Variants in RPTOR observed in about 807,000 individuals in gnomAD.
The protein encoded by RPTOR is regulatory-associated protein of mTOR.
In RPTOR, 21 loss-of-function variants were observed where a neutral mutation model predicts 169.9. That is an observed-to-expected ratio of 0.12 (90% CI 0.09 to 0.18). The LOEUF (loss-of-function observed/expected upper bound fraction) is 0.18. RPTOR is among the 10% of genes least tolerant of loss of function. RPTOR has a pLI of 1.00. For synonymous variants in RPTOR, 732 were observed against 753.2 expected, an observed-to-expected ratio of 0.97 and a Z score of 0.46; for missense variants, 1,133 against 1,855.9, an observed-to-expected ratio of 0.61 and a Z score of 7.16.
Position 80,908,708 on chromosome 17 carries a change from A to C in RPTOR, c.2402-103A>C, listed in dbSNP as rs1185164914. 7.5e-6 allele frequency: 6 copies of C among 801,990 alleles called. No homozygotes were observed. In the African/African-American group the frequency reaches 1.0e-4, roughly 14 times the overall value. 49.7% of individuals were successfully genotyped at this position (801,990 alleles called of 1,614,324 possible). A position where few individuals can be genotyped will look rare whatever the true frequency, so the allele number is the denominator to read the frequency against. On this transcript the variant is annotated intron_variant, in intron 20 of 33. Coordinates refer to ENST00000306801, the MANE Select transcript of RPTOR (RefSeq NM_020761.3). ...TCCTGTAACCTCGGCTCTTTAAAGCAACACTTCTGATACCAGGGTTAGGGT... is the reference window on the plus strand; with the variant it reads ...TCCTGTAACCTCGGCTCTTTAAAGCCACACTTCTGATACCAGGGTTAGGGT...
chr17:80,689,860 A>G (rs2316061), intron 3 of RPTOR, among the ~76,000 whole-genome samples: 26,741 of 152,148 alleles, frequency 0.18, 3,756 homozygotes, highest in African/African-American at 0.39. Flanking sequence ...GATTTTTGGT[A>G]TGTGTACCTT....
intron 5 of RPTOR, among the ~76,000 whole-genome samples, chr17:80,749,543 G>A (rs1226254161): frequency 3.4e-5 from 5 of 145,950 alleles, no homozygotes; most frequent in Admixed American, 2.0e-4. Flanking sequence ...GAGGGGCTGC[G>A]GTGTGTGTTT....
intron 6 of RPTOR, among the ~76,000 whole-genome samples, chr17:80,755,992 G>A (rs1902186783): frequency 1.3e-5 from 2 of 152,230 alleles, no homozygotes; most frequent in Non-Finnish European, 2.9e-5. Flanking sequence ...TAAAACAAGT[G>A]TAATACATAC....
intron 6 of RPTOR, among the ~76,000 whole-genome samples, chr17:80,782,586 C>T (rs1014866977): frequency 2.0e-5 from 3 of 152,074 alleles, no homozygotes; most frequent in East Asian, 1.9e-4. Flanking sequence ...CCTTGGTTTC[C>T]GGGGATCTCA....
At chr17:80,737,517 G>T (rs1460355325) in intron 5 of RPTOR, among the ~76,000 whole-genome samples, 2 of 152,160 alleles carry the variant, frequency 1.3e-5, no homozygotes, top group Non-Finnish European at 2.9e-5. Context: ...TGTCCTGATG[G>T]CAGGTCTTCA....
chr17:80,641,235 T>G (rs536640805), intron 2 of RPTOR, among the ~76,000 whole-genome samples: 2 of 152,244 alleles, frequency 1.3e-5, no homozygotes, highest in African/African-American at 2.4e-5. Flanking sequence ...AGTCACAGAT[T>G]ACGGATTATA....
intron 10 of RPTOR, among the ~76,000 whole-genome samples, chr17:80,838,293 T>C (rs2067587534): frequency 6.6e-6 from 1 of 152,208 alleles, no homozygotes; most frequent in Non-Finnish European, 1.5e-5. Context: ...TGTTACACTT[T>C]CTAGCCTTTT....
At chr17:80,575,952 A>G (rs536671291) in intron 1 of RPTOR, among the ~76,000 whole-genome samples, 1 of 152,256 alleles carries the variant, frequency 6.6e-6, no homozygotes, top group South Asian at 2.1e-4. Flanking sequence ...TGGAGTCTAT[A>G]TTGTTGTAAA....
Position 80,734,519 on chromosome 17 carries a change from G to A in RPTOR, c.654+3813G>A, listed in dbSNP as rs561314434. Among the ~76,000 whole-genome samples the A allele has an allele frequency of 1.3e-4, 20 of 152,334 alleles. 1 individual carries two copies. Among genetic ancestry groups the A allele is most frequent in the Admixed American group, 3.9e-4 (6 of 15,304 alleles). Reference sequence around the variant, plus strand: ...AAGTAATGAAAAATCTCATTACTGGGTTTTAATCAAATAGCAGTTTGTCTT... The same window carrying A: ...AAGTAATGAAAAATCTCATTACTGGATTTTAATCAAATAGCAGTTTGTCTT... On this transcript the variant is annotated intron_variant, in intron 5 of 33. Coordinates refer to ENST00000306801, the MANE Select transcript of RPTOR (RefSeq NM_020761.3).
Position 80,670,806 on chromosome 17 carries a change from C to G in RPTOR, c.348+26996C>G, listed in dbSNP as rs118179825. Reference sequence around the variant, plus strand: ...TGATAATCAGCCCCCCAACTCCCCCCCACATTCATTTCTGATTACTCTGAA... The same window carrying G: ...TGATAATCAGCCCCCCAACTCCCCCGCACATTCATTTCTGATTACTCTGAA... On this transcript the variant is annotated intron_variant, in intron 3 of 33. Coordinates refer to ENST00000306801, the MANE Select transcript of RPTOR (RefSeq NM_020761.3). Among the ~76,000 whole-genome samples, 1,405 of 152,212 alleles carry G rather than the reference C, an allele frequency of 9.2e-3. 11 individuals carry two copies. The highest frequency in any genetic ancestry group is 0.016 in the Non-Finnish European group (1,062 of 67,990).
At chr17:80,866,071 G>A (rs2067986691) in intron 13 of RPTOR, among the ~76,000 whole-genome samples, 1 of 151,132 alleles carries the variant, frequency 6.6e-6, no homozygotes, top group Non-Finnish European at 1.5e-5. Flanking sequence ...ATATATATGT[G>A]CTTAATGCAA....
At chr17:80,898,692 ACTCCCCCCGCCCCGG>A (rs1055198551) in intron 20 of RPTOR, among the ~76,000 whole-genome samples, 5 of 17,090 alleles carry the variant, frequency 2.9e-4, no homozygotes, top group Non-Finnish European at 1.1e-4. Context: ...CGCCGCCCCG[ACTCCCCCCGCCCCGG>A]CTCCCCCCGC....
At chr17:80,930,315 G>GCTCAGCTCAGCTCATCTTCAGCTCAGC (rs1567993552) in intron 24 of RPTOR, among the ~76,000 whole-genome samples, 1 of 13,894 alleles carries the variant, frequency 7.2e-5, no homozygotes. Flanking sequence ...CTCATCCCCA[G>GCTCAGCTCAGCTCATCTTCAGCTCAGC]CTCAGCTCAG....
chr17:80,677,942 G>A (rs1488640790), intron 3 of RPTOR, among the ~76,000 whole-genome samples: 2 of 152,168 alleles, frequency 1.3e-5, no homozygotes, highest in African/African-American at 4.8e-5. Context: ...GGACTTCCAG[G>A]TAGCTGATGA....
intron 11 of RPTOR, among the ~76,000 whole-genome samples, chr17:80,848,421 A>G (rs761363027): frequency 6.6e-6 from 1 of 152,278 alleles, no homozygotes; most frequent in Non-Finnish European, 1.5e-5. Flanking sequence ...AGATTCGTTT[A>G]AGACTATCCT....
intron 3 of RPTOR, among the ~76,000 whole-genome samples, chr17:80,684,740 C>T (rs117854163): frequency 0.016 from 2,504 of 152,258 alleles, 27 homozygotes; most frequent in Non-Finnish European, 0.026. Flanking sequence ...CCACTGCGCC[C>T]AGCCATGTTA....
At position 80,707,772 on chromosome 17, in the gene RPTOR, G is replaced by A; in HGVS notation, c.349-69G>A. The A allele has an allele frequency of 2.0e-6, 3 of 1,472,164 alleles. No individual in the cohort carries two copies. Among genetic ancestry groups the A allele is most frequent in the Non-Finnish European group, 2.8e-6 (3 of 1,071,322 alleles). The allele number at this position is 1,472,164 out of a possible 1,614,324, so 91.2% of individuals were successfully genotyped here. On this transcript the variant is annotated intron_variant, in intron 3 of 33. Transcript: ENST00000306801. The surrounding 1 kb of genome is among the most constrained non-coding windows in gnomAD (Gnocchi z 5.0). ...TATTAACTGCAAACCCAGAGGAAAG[G>A]GTAGGGGATGAGTTCCAAGCATTCC...
At chr17:80,931,155 C>T (rs2068892392) in intron 24 of RPTOR, among the ~76,000 whole-genome samples, 1 of 152,180 alleles carries the variant, frequency 6.6e-6, no homozygotes, top group Non-Finnish European at 1.5e-5. Flanking sequence ...AGCCTGGTTC[C>T]ACCTCCGCCT....
At chr17:80,766,229 ATC>A (rs2066785910) in intron 6 of RPTOR, among the ~76,000 whole-genome samples, 2 of 151,908 alleles carry the variant, frequency 1.3e-5, no homozygotes, top group South Asian at 4.2e-4. Flanking sequence ...TAATTTTTGT[ATC>A]TTTTGTAGAG....
Sources: gnomAD v4.1 joint callset for allele counts (sites outside exome capture counted in the v4.1 genomes callset) on GRCh38, gnomAD v4.1.1 for gene constraint, Gnocchi (gnomAD v3.1) non-coding constraint, MANE v1.5 for transcripts, NCBI Gene and HGNC (gene_info 2026-07-23, HGNC 2026-07-21) for gene names.